Variants in VCL observed in about 807,000 individuals in gnomAD.
The protein encoded by VCL is epididymis luminal protein 114.
VCL carries 47 observed loss-of-function variants against 125.7 expected under a neutral mutation model. The ratio of observed to expected loss-of-function variants is 0.37; its 90% CI spans 0.30 to 0.48. The LOEUF (loss-of-function observed/expected upper bound fraction) is 0.48. Among genes scored for constraint, VCL ranks in the 20% least tolerant of loss-of-function variants. VCL has a pLI of 0.99. For missense variants in VCL, 1,069 were observed against 1,455.5 expected (o/e 0.73, Z 4.32); for synonymous variants, 458 against 514.6 (o/e 0.89, Z 1.49).
intron 2 of VCL, among the ~76,000 whole-genome samples, chr10:74,044,304 T>C (rs1425568147): frequency 6.6e-6 from 1 of 152,170 alleles, no homozygotes; most frequent in African/African-American, 2.4e-5. Context: ...GGTTTTGTTC[T>C]ATATGGCAGT....
At chr10:74,014,423 C>T (rs981419705) in intron 1 of VCL, among the ~76,000 whole-genome samples, 5 of 151,778 alleles carry the variant, frequency 3.3e-5, no homozygotes, top group South Asian at 4.2e-4. Flanking sequence ...TTAGCAGAGA[C>T]GGGGTTTTCC....
intron 1 of VCL, among the ~76,000 whole-genome samples, chr10:74,031,172 G>A (rs1436896391): frequency 2.0e-5 from 3 of 152,168 alleles, no homozygotes; most frequent in Non-Finnish European, 4.4e-5. Context: ...AATGTGCCTT[G>A]TAAATTCCTA....
intron 1 of VCL, among the ~76,000 whole-genome samples, chr10:74,014,118 G>A (rs1212345067): frequency 1.3e-5 from 2 of 152,170 alleles, no homozygotes; most frequent in Non-Finnish European, 2.9e-5. Context: ...TTTGTTAGAA[G>A]CAATAGTGAG....
intron 8 of VCL, among the ~76,000 whole-genome samples, chr10:74,085,483 G>A (rs1454561131): frequency 2.6e-5 from 4 of 151,766 alleles, no homozygotes; most frequent in Admixed American, 6.6e-5. Flanking sequence ...TTATTTATTC[G>A]GATTCATAAT....
intron 5 of VCL, among the ~76,000 whole-genome samples, chr10:74,073,434 C>G (rs1839523201): frequency 6.6e-6 from 1 of 152,194 alleles, no homozygotes; most frequent in Admixed American, 6.5e-5. Flanking sequence ...AAAGCTCTAA[C>G]AAGCCCCTTT....
chr10:74,000,177 A>G (rs982871008), intron 1 of VCL, among the ~76,000 whole-genome samples: 7 of 68,586 alleles, frequency 1.0e-4, no homozygotes, highest in Non-Finnish European at 1.6e-4. Context: ...TTCTCAGCTT[A>G]AGAGTGTTCA....
chr10:74,094,848 C>T (rs958354049), intron 11 of VCL, among the ~76,000 whole-genome samples: 8 of 152,054 alleles, frequency 5.3e-5, no homozygotes, highest in African/African-American at 1.7e-4. Flanking sequence ...GTGGGAGGAT[C>T]GCTTGAGACC....
At position 74,058,803 on chromosome 10, in the gene VCL, A is replaced by C. The variant is rs577298298; in HGVS notation, c.240-11867A>C. Among the ~76,000 whole-genome samples, 15 of 152,256 alleles carry C rather than the reference A, an allele frequency of 9.9e-5. No individual in the cohort carries two copies. The South Asian group carries it at 3.1e-3, about 32-fold the overall frequency. On this transcript the variant is annotated intron_variant, in intron 2 of 21. Transcript: ENST00000211998. ...GTAGATTGAGATTGTTTGGCTTTAG[A>C]GTGAGCTACCTGCACTTTGTGATGG...
At chr10:74,055,734 A>ACACTCTTG (rs1336874566) in intron 2 of VCL, among the ~76,000 whole-genome samples, 1 of 152,120 alleles carries the variant, frequency 6.6e-6, no homozygotes, top group Non-Finnish European at 1.5e-5. Flanking sequence ...TATCTGTAAG[A>ACACTCTTG]CACTCTTGCT....
chr10:74,036,264 A>G (rs1272599388), intron 1 of VCL, among the ~76,000 whole-genome samples: 7 of 151,928 alleles, frequency 4.6e-5, no homozygotes, highest in Admixed American at 4.6e-4. Context: ...GTGCCATGGC[A>G]CGATCTCGGC....
chr10:74,056,886 C>T (rs1299928045), intron 2 of VCL, among the ~76,000 whole-genome samples: 7 of 152,152 alleles, frequency 4.6e-5, no homozygotes, highest in Non-Finnish European at 8.8e-5. Flanking sequence ...GAAATTTCTT[C>T]ACCTATCTCC....
intron 1 of VCL, among the ~76,000 whole-genome samples, chr10:74,021,905 A>C (rs1236743273): frequency 6.6e-6 from 1 of 152,056 alleles, no homozygotes; most frequent in Admixed American, 6.6e-5. Flanking sequence ...TCCTCAAAGC[A>C]ACCAGTCTGG....
intron 1 of VCL, among the ~76,000 whole-genome samples, chr10:74,028,511 C>T (rs1840814862): frequency 6.6e-6 from 1 of 151,586 alleles, no homozygotes; most frequent in African/African-American, 2.4e-5. Context: ...ATTCTCCTGC[C>T]TCAGCCTCCC....
At chr10:74,080,702 C>T (rs1839661540) in intron 6 of VCL, among the ~76,000 whole-genome samples, 1 of 152,108 alleles carries the variant, frequency 6.6e-6, no homozygotes, top group Non-Finnish European at 1.5e-5. Flanking sequence ...AATATTTTTA[C>T]ATTGACATAA....
intron 2 of VCL, among the ~76,000 whole-genome samples, chr10:74,052,399 C>T (rs1307310288): frequency 6.0e-5 from 7 of 116,506 alleles, no homozygotes; most frequent in East Asian, 2.7e-4. Context: ...TTTTTTGAGA[C>T]GGAGTCTCAC....
intron 2 of VCL, among the ~76,000 whole-genome samples, chr10:74,069,904 G>A (rs1344340305): frequency 2.6e-5 from 4 of 151,938 alleles, no homozygotes; most frequent in Non-Finnish European, 5.9e-5. Flanking sequence ...TGGCTGATCT[G>A]GTTACTTATA....
rs34837874 is a variant in VCL at position 74,105,912 on chromosome 10, CTTTT to C, written c.2434+578_2434+581del. 8.3e-3 allele frequency among the ~76,000 whole-genome samples: 583 copies of C among 70,086 alleles called. 24 individuals carry two copies. The East Asian group carries it at 0.097, about 12-fold the overall frequency. 46.0% of individuals were successfully genotyped at this position (70,086 alleles called of 152,430 possible). On this transcript the variant is annotated intron_variant, in intron 16 of 21. Coordinates refer to ENST00000211998, the MANE Select transcript of VCL (RefSeq NM_014000.3). ...TGAGCCACCGTGCCCAACCTCTGCG[CTTTT>C]TTTTTTTTTTTTTTTTTTGAGACGG...
chr10:74,072,972 C>CA, intron 5 of VCL, 120 bp downstream of exon 5: 1 of 1,413,550 alleles, frequency 7.1e-7, no homozygotes, highest in South Asian at 1.2e-5. Flanking sequence ...GATGAAGTCT[C>CA]ACTCTGTTGC....
rs756118982 is a variant in VCL, at chr10:74,004,567, C to A, written c.168+6192C>A. 4.6e-5 allele frequency among the ~76,000 whole-genome samples: 7 copies of A among 152,266 alleles called. No homozygotes were observed. In the South Asian group the frequency reaches 8.3e-4, roughly 18 times the overall value. On this transcript the variant is annotated intron_variant, in intron 1 of 21. Transcript: ENST00000211998. The stretch of plus-strand genomic sequence containing the variant: ...AGGAATGCTGTTAGTCATAGAGGTT[C>A]CATTTGTCCTGGGTCTGGCAACAGT...
Sources: allele counts gnomAD v4.1 joint callset (sites outside exome capture counted in the v4.1 genomes callset), GRCh38; gene constraint gnomAD v4.1.1; transcripts MANE v1.5; gene names NCBI Gene and HGNC (gene_info 2026-07-23, HGNC 2026-07-21).